Variants in ROBO1 observed in about 807,000 individuals in gnomAD.
ROBO1 encodes the protein roundabout homolog 1.
A neutral mutation model predicts 195.9 loss-of-function variants in ROBO1; 149 were observed. That is an observed-to-expected ratio of 0.76 (90% confidence interval 0.67 to 0.87). The LOEUF (loss-of-function observed/expected upper bound fraction) is 0.87. Ranked by LOEUF, ROBO1 falls within the 40% of genes least tolerant of loss-of-function variation. The pLI, the probability that ROBO1 is intolerant of heterozygous loss-of-function variation, is 0.00. For synonymous variants in ROBO1, 816 were observed against 733.2 expected (o/e 1.11, Z -1.82); for missense variants, 1,933 against 2,068.3 (o/e 0.93, Z 1.27).
intron 3 of ROBO1, among the ~76,000 whole-genome samples, chr3:78,965,631 AT>A (rs1375978609): frequency 9.2e-5 from 14 of 152,292 alleles, no homozygotes; most frequent in Admixed American, 2.6e-4. Context: ...AAAAAAAAAA[AT>A]AAAGCATGTA....
intron 2 of ROBO1, among the ~76,000 whole-genome samples, chr3:79,550,168 G>GAAGAAAGAAAGAAAGAAAGAAAGA (rs1200148231): frequency 9.3e-5 from 9 of 96,908 alleles, no homozygotes; most frequent in Admixed American, 3.2e-4. Context: ...AGAAAGAAAG[G>GAAGAAAGAAAGAAAGAAAGAAAGA]AAGAAAGAAA....
intron 1 of ROBO1, among the ~76,000 whole-genome samples, chr3:79,762,186 A>G (rs1304292208): frequency 6.6e-6 from 1 of 152,088 alleles, no homozygotes; most frequent in Non-Finnish European, 1.5e-5. Context: ...GCGCTGGAAG[A>G]TTTGGTGTCT....
chr3:79,498,805 C>G (rs1445987837), intron 2 of ROBO1, among the ~76,000 whole-genome samples: 1 of 151,516 alleles, frequency 6.6e-6, no homozygotes, highest in East Asian at 2.0e-4. Flanking sequence ...AGTGATTGAG[C>G]CATTGTGCTC....
At chr3:78,813,835 A>T (rs368453552) in intron 4 of ROBO1, among the ~76,000 whole-genome samples, 4 of 152,040 alleles carry the variant, frequency 2.6e-5, no homozygotes, top group Admixed American at 1.3e-4. Flanking sequence ...AGCTTGCTTG[A>T]TAAGTTAACT....
At chr3:79,525,442 G>A (rs1941388591) in intron 2 of ROBO1, among the ~76,000 whole-genome samples, 1 of 148,508 alleles carries the variant, frequency 6.7e-6, no homozygotes, top group Non-Finnish European at 1.5e-5. Context: ...AATCTCTTAT[G>A]TATGTTTTAT....
At chr3:78,611,287 T>C (rs1456883865) in intron 28 of ROBO1, among the ~76,000 whole-genome samples, 1 of 152,156 alleles carries the variant, frequency 6.6e-6, no homozygotes, top group Non-Finnish European at 1.5e-5. Flanking sequence ...TTATAATTTA[T>C]GAAAAGTAGG....
intron 4 of ROBO1, among the ~76,000 whole-genome samples, chr3:78,799,172 G>A (rs116418776): frequency 0.034 from 5,144 of 152,136 alleles, 114 homozygotes; most frequent in Non-Finnish European, 0.047. Flanking sequence ...CATAAAGCAT[G>A]TATGGAATCC....
intron 3 of ROBO1, among the ~76,000 whole-genome samples, chr3:79,075,632 G>A (rs2079159593): frequency 6.6e-6 from 1 of 151,762 alleles, no homozygotes. Context: ...CGGTGTGCTA[G>A]AAGAAATAGT....
intron 1 of ROBO1, among the ~76,000 whole-genome samples, chr3:79,613,004 T>C (rs527699692): frequency 6.6e-6 from 1 of 151,636 alleles, no homozygotes; most frequent in South Asian, 2.1e-4. Flanking sequence ...TTTTCAGATA[T>C]TTTCAGAATA....
rs2078015645 is a variant in ROBO1, at chr3:79,018,562, T to C, written c.173-79635A>G. On this transcript the variant is annotated intron_variant, in intron 3 of 30. Transcript: ENST00000464233. Reference sequence around the variant, plus strand: ...CCACACACCACACACAAAGGCTTAATATAAGCAACGTGGGTCAATTAGCCA... The same window carrying C: ...CCACACACCACACACAAAGGCTTAACATAAGCAACGTGGGTCAATTAGCCA... The C allele has an allele frequency of 2.6e-6, 4 of 1,544,184 alleles. No individual in the cohort carries two copies. In the East Asian group the frequency reaches 9.4e-5, roughly 36 times the overall value.
chr3:78,699,146 C>T (rs1180947270), intron 8 of ROBO1, among the ~76,000 whole-genome samples: 2 of 152,118 alleles, frequency 1.3e-5, no homozygotes, highest in East Asian at 3.9e-4. Context: ...CTACCTCCTT[C>T]TCTCTTTATT....
At chr3:79,455,775 G>A (rs555312766) in intron 2 of ROBO1, among the ~76,000 whole-genome samples, 1 of 152,054 alleles carries the variant, frequency 6.6e-6, no homozygotes, top group Non-Finnish European at 1.5e-5. Context: ...AGTCTAAGTG[G>A]TAACAACTGA....
At chr3:78,729,298 A>G (rs2082235283) in intron 5 of ROBO1, among the ~76,000 whole-genome samples, 1 of 137,284 alleles carries the variant, frequency 7.3e-6, no homozygotes, top group African/African-American at 3.6e-5. Context: ...TAGTTAAAGG[A>G]AAGGATGATT....
At chr3:79,746,376 A>C (rs940521120) in intron 1 of ROBO1, among the ~76,000 whole-genome samples, 13 of 152,014 alleles carry the variant, frequency 8.6e-5, no homozygotes, top group African/African-American at 3.1e-4. Context: ...TTGTGATACA[A>C]GCATTAATTA....
chr3:78,691,075 G>A (rs2081162713), intron 8 of ROBO1, among the ~76,000 whole-genome samples: 1 of 152,086 alleles, frequency 6.6e-6, no homozygotes, highest in Non-Finnish European at 1.5e-5. Flanking sequence ...ACATGTCTTA[G>A]AAACATAACT....
chr3:78,674,222 A>G (rs1463789557), intron 10 of ROBO1, among the ~76,000 whole-genome samples: 1 of 152,218 alleles, frequency 6.6e-6, no homozygotes, highest in Non-Finnish European at 1.5e-5. Flanking sequence ...GTCAAATGCT[A>G]TTAGGGATAG....
chr3:78,886,148 G>A (rs1469016865), intron 4 of ROBO1, among the ~76,000 whole-genome samples: 2 of 151,546 alleles, frequency 1.3e-5, no homozygotes, highest in African/African-American at 4.8e-5. Context: ...AGTTAAACAT[G>A]AGTAATCAAA....
chr3:79,001,887 T>C (rs2077513769), intron 3 of ROBO1, among the ~76,000 whole-genome samples: 1 of 152,168 alleles, frequency 6.6e-6, no homozygotes, highest in African/African-American at 2.4e-5. Context: ...TAAACTTATT[T>C]AATTTTCAGT....
At chr3:79,449,186 C>T (rs1413550796) in intron 2 of ROBO1, among the ~76,000 whole-genome samples, 1 of 151,898 alleles carries the variant, frequency 6.6e-6, no homozygotes, top group Non-Finnish European at 1.5e-5. Context: ...GAGCCATGAT[C>T]GGGCCACTAC....
Sources: allele counts gnomAD v4.1 joint callset (sites outside exome capture counted in the v4.1 genomes callset), GRCh38; gene constraint gnomAD v4.1.1; transcripts MANE v1.5; gene names NCBI Gene and HGNC (gene_info 2026-07-23, HGNC 2026-07-21).